The following SLC25A21 variants were observed in gnomAD, a reference collection of about 807,000 sequenced individuals.
The protein encoded by SLC25A21 is mitochondrial 2-oxodicarboxylate carrier.
Under a neutral mutation model 43.8 loss-of-function variants are expected in SLC25A21, and 47 were observed. The ratio of observed to expected loss-of-function variants is 1.07; its 90% CI spans 0.85 to 1.37. The LOEUF (loss-of-function observed/expected upper bound fraction) is 1.37. Among genes scored for constraint, SLC25A21 ranks in the 40% most tolerant of loss-of-function variants. The pLI is 0.00. For missense variants in SLC25A21, 352 were observed against 350.2 expected, an observed-to-expected ratio of 1.00 and a Z score of -0.04; for synonymous variants, 131 against 121.3, an observed-to-expected ratio of 1.08 and a Z score of -0.52.
In SLC25A21 at chr14:36,679,509, T is replaced by C. The variant is rs1882097048; in HGVS notation, c.*1149A>G. ...TTACTGAATCAGCATCATCTCTGGATGCAGATATAAAATCAAGTTTGGTTA... is the reference window on the plus strand; with the variant it reads ...TTACTGAATCAGCATCATCTCTGGACGCAGATATAAAATCAAGTTTGGTTA... On this transcript the variant is annotated 3_prime_UTR_variant, in exon 10 of 10. Coordinates refer to ENST00000331299, the MANE Select transcript of SLC25A21 (RefSeq NM_030631.4). 1 of 985,324 alleles carries C rather than the reference T, an allele frequency of 1.0e-6. No homozygotes were observed. The allele number at this position is 985,324 out of a possible 1,614,324, so 61.0% of individuals were successfully genotyped here.
intron 1 of SLC25A21, among the ~76,000 whole-genome samples, chr14:36,878,660 T>C (rs775846267): frequency 1.3e-5 from 2 of 152,188 alleles, no homozygotes; most frequent in African/African-American, 2.4e-5. Flanking sequence ...AACTAAATAA[T>C]GAGCTAGTGA....
chr14:36,784,789 C>T (rs1256579258), intron 3 of SLC25A21, among the ~76,000 whole-genome samples: 1 of 152,184 alleles, frequency 6.6e-6, no homozygotes. Context: ...ATGTGTCAGA[C>T]ACTTGCTATC....
At chr14:36,702,450 G>A (rs1883315421) in intron 7 of SLC25A21, among the ~76,000 whole-genome samples, 1 of 118,130 alleles carries the variant, frequency 8.5e-6, no homozygotes, top group South Asian at 2.8e-4. Flanking sequence ...ATCAGTCTGG[G>A]CAACACAGGG....
At chr14:36,929,763 G>A (rs944202025) in intron 1 of SLC25A21, among the ~76,000 whole-genome samples, 1 of 152,108 alleles carries the variant, frequency 6.6e-6, no homozygotes, top group African/African-American at 2.4e-5. Context: ...CTCCAAGAAG[G>A]CCACCGTCAA....
At chr14:36,773,492 T>C (rs1373167505) in intron 3 of SLC25A21, among the ~76,000 whole-genome samples, 2 of 152,202 alleles carry the variant, frequency 1.3e-5, no homozygotes, top group Admixed American at 6.5e-5. Context: ...AAAAACAACA[T>C]GGATCTATTG....
intron 1 of SLC25A21, among the ~76,000 whole-genome samples, chr14:36,891,600 T>G (rs181208736): frequency 2.6e-4 from 39 of 152,310 alleles, no homozygotes; most frequent in African/African-American, 9.1e-4. Context: ...TTTATACTCC[T>G]GGGAACAATA....
chr14:37,087,242 A>G (rs1213576893), intron 1 of SLC25A21, among the ~76,000 whole-genome samples: 1 of 152,212 alleles, frequency 6.6e-6, no homozygotes, highest in African/African-American at 2.4e-5. Flanking sequence ...AGCATCATGG[A>G]CCAAATAAGG....
At chr14:36,795,657 T>C (rs1887645937) in intron 3 of SLC25A21, among the ~76,000 whole-genome samples, 2 of 152,140 alleles carry the variant, frequency 1.3e-5, no homozygotes, top group African/African-American at 4.8e-5. Flanking sequence ...GGATCCATGA[T>C]GGACAGTGTG....
intron 1 of SLC25A21, among the ~76,000 whole-genome samples, chr14:36,928,308 T>C (rs1347054820): frequency 1.3e-5 from 2 of 152,194 alleles, no homozygotes; most frequent in African/African-American, 4.8e-5. Flanking sequence ...TAAGGAATAA[T>C]GCCAGAAGCA....
intron 1 of SLC25A21, among the ~76,000 whole-genome samples, chr14:36,876,668 A>G (rs1414387702): frequency 6.6e-6 from 1 of 152,126 alleles, no homozygotes; most frequent in Non-Finnish European, 1.5e-5. Flanking sequence ...TCAGGTGACC[A>G]GAATTTTTGT....
chr14:36,930,992 C>T (rs545041097), intron 1 of SLC25A21, among the ~76,000 whole-genome samples: 1 of 152,076 alleles, frequency 6.6e-6, no homozygotes, highest in African/African-American at 2.4e-5. Flanking sequence ...TAGAAATGAC[C>T]TCTTCTGAGA....
chr14:37,079,899 G>A (rs927285548), intron 1 of SLC25A21, among the ~76,000 whole-genome samples: 1 of 152,154 alleles, frequency 6.6e-6, no homozygotes, highest in African/African-American at 2.4e-5. Context: ...TGTGGTAGGG[G>A]ATTAGCTCAC....
At chr14:37,031,990 C>T (rs996752556) in intron 1 of SLC25A21, among the ~76,000 whole-genome samples, 14 of 152,250 alleles carry the variant, frequency 9.2e-5, no homozygotes, top group African/African-American at 3.4e-4. Context: ...GCATTTCAGT[C>T]CTCTCCTCTT....
chr14:36,904,257 C>T (rs1891474407), intron 1 of SLC25A21, among the ~76,000 whole-genome samples: 1 of 152,220 alleles, frequency 6.6e-6, no homozygotes, highest in African/African-American at 2.4e-5. Flanking sequence ...GGGTTGCTCA[C>T]ATATCATTCG....
At chr14:37,088,018 G>C (rs548133649) in intron 1 of SLC25A21, among the ~76,000 whole-genome samples, 3 of 152,306 alleles carry the variant, frequency 2.0e-5, no homozygotes, top group Non-Finnish European at 4.4e-5. Context: ...GGTTTCAAAG[G>C]AGAAAATGAA....
At chr14:37,027,871 C>A (rs1193717354) in intron 1 of SLC25A21, among the ~76,000 whole-genome samples, 2 of 152,092 alleles carry the variant, frequency 1.3e-5, no homozygotes, top group African/African-American at 4.8e-5. Flanking sequence ...TTTACTGTAG[C>A]ATCAGAAATT....
intron 2 of SLC25A21, among the ~76,000 whole-genome samples, chr14:36,850,687 A>G (rs144410409): frequency 2.1e-3 from 324 of 152,294 alleles, no homozygotes; most frequent in African/African-American, 7.3e-3. Context: ...CTACTCTACC[A>G]GCATCTAAGA....
Position 37,172,467 on chromosome 14 carries a change from C to T in SLC25A21, c.-117G>A. The T allele has an allele frequency of 9.5e-7, 1 of 1,050,076 alleles. No individual in the cohort carries two copies. Among genetic ancestry groups the T allele is most frequent in the Non-Finnish European group, 1.4e-6 (1 of 689,820 alleles). 65.0% of individuals were successfully genotyped at this position (1,050,076 alleles called of 1,614,324 possible). On this transcript the variant is annotated 5_prime_UTR_variant, in exon 1 of 10. Coordinates refer to ENST00000331299, the MANE Select transcript of SLC25A21 (RefSeq NM_030631.4). Reference sequence around the variant, plus strand: ...GCTGGTCCTCAAGCGCGTTGGCTCCCTGTGGAGCAGCAATCCGGCGACTGC... The same window carrying T: ...GCTGGTCCTCAAGCGCGTTGGCTCCTTGTGGAGCAGCAATCCGGCGACTGC...
At position 36,979,331 on chromosome 14, in the gene SLC25A21, G is replaced by GT. The variant is rs372495518; in HGVS notation, c.71-104328_71-104327insA. Among the ~76,000 whole-genome samples the GT allele has an allele frequency of 2.7e-3, 328 of 122,900 alleles. 3 individuals are homozygous for GT. Among genetic ancestry groups the GT allele is most frequent in the African/African-American group, 0.019 (301 of 15,808 alleles). 80.6% of individuals were successfully genotyped at this position (122,900 alleles called of 152,430 possible). On this transcript the variant is annotated intron_variant, in intron 1 of 9. Coordinates refer to ENST00000331299, the MANE Select transcript of SLC25A21 (RefSeq NM_030631.4). The stretch of plus-strand genomic sequence containing the variant: ...TAACCAATTAAGGTAGTGTTTTTTT[G>GT]GTTTTTTTTTTTACTGTTTTTGTTT...
Sources: allele counts gnomAD v4.1 joint callset (sites outside exome capture counted in the v4.1 genomes callset), GRCh38; gene constraint gnomAD v4.1.1; transcripts MANE v1.5; gene names NCBI Gene and HGNC (gene_info 2026-07-23, HGNC 2026-07-21).